Variants in PMS1 observed in about 807,000 individuals in gnomAD.
The protein encoded by PMS1 is PMS1 homolog 1, mismatch repair system component.
A neutral mutation model predicts 93.1 loss-of-function variants in PMS1; 79 were observed. The observed-to-expected ratio is 0.85, with a 90% CI of 0.71 to 1.02. PMS1 has a LOEUF of 1.02. Ranked by LOEUF, PMS1 falls within the 50% of genes least tolerant of loss-of-function variation. The pLI is 0.00. For missense variants in PMS1, 1,064 were observed against 1,085.3 expected (o/e 0.98, Z 0.28); for synonymous variants, 335 against 363.4 (o/e 0.92, Z 0.89).
At position 189,877,613 on chromosome 2, in the gene PMS1, C is replaced by G. The variant is rs1485391064; in HGVS notation, c.*177C>G. 1.8e-6 allele frequency: 1 copy of G among 570,566 alleles called. No individual in the cohort carries two copies. Among genetic ancestry groups the G allele is most frequent in the Non-Finnish European group, 3.1e-6 (1 of 320,062 alleles). 35.3% of individuals were successfully genotyped at this position (570,566 alleles called of 1,614,324 possible). ...ACGTATTGTAGAAAACGTAAATAAA[C>G]TAATATAGACTATTCATTTGATTCT... On this transcript the variant is annotated 3_prime_UTR_variant, in exon 13 of 13. Coordinates refer to ENST00000441310, the MANE Select transcript of PMS1 (RefSeq NM_000534.5).
intron 9 of PMS1, among the ~76,000 whole-genome samples, chr2:189,862,813 C>T (rs1042399252): frequency 6.6e-6 from 1 of 152,220 alleles, no homozygotes; most frequent in Admixed American, 6.5e-5. Flanking sequence ...TTCACCCGGC[C>T]ATGAAACTGT....
rs5742966 is a variant in PMS1 at position 189,788,724 on chromosome 2, A to G, written c.-20-3066A>G. Among the ~76,000 whole-genome samples, 840 of 152,294 alleles carry G rather than the reference A, an allele frequency of 5.5e-3. 3 individuals are homozygous for G. Among genetic ancestry groups the G allele is most frequent in the African/African-American group, 0.018 (755 of 41,560 alleles). ...ATAAAATCATTTCATCCTATAATCA[A>G]TGTAAAAAATTGATATGATTTTTAT... On this transcript the variant is annotated intron_variant, in intron 1 of 12. Coordinates refer to ENST00000441310, the MANE Select transcript of PMS1 (RefSeq NM_000534.5).
intron 5 of PMS1, among the ~76,000 whole-genome samples, chr2:189,837,925 A>G (rs78056333): frequency 1.9e-3 from 287 of 152,336 alleles, no homozygotes; most frequent in African/African-American, 6.6e-3. Flanking sequence ...ATCAAAGACC[A>G]TATATTGTAT....
At position 189,843,815 on chromosome 2, in the gene PMS1, G is replaced by A. The variant is rs1315172120; in HGVS notation, c.583-149G>A. On this transcript the variant is annotated intron_variant, in intron 5 of 12. Transcript: ENST00000441310. ...AAAATTCAGAACCAGAGTTTCTTCT[G>A]TCAGACCTCATAGCTCATGAATCTC... is the stretch of plus-strand genomic sequence containing the variant. The A allele has an allele frequency of 7.2e-6, 5 of 696,686 alleles. No individual in the cohort carries two copies. In the Admixed American group the frequency reaches 1.1e-4, roughly 15 times the overall value. 43.2% of individuals were successfully genotyped at this position (696,686 alleles called of 1,614,324 possible). A position where few individuals can be genotyped will look rare whatever the true frequency, so the allele number is the denominator to read the frequency against.
intron 4 of PMS1, among the ~76,000 whole-genome samples, chr2:189,810,909 T>C (rs1418353161): frequency 3.3e-5 from 5 of 150,400 alleles, no homozygotes; most frequent in Non-Finnish European, 5.9e-5. Context: ...GAGAGGAAAA[T>C]GGGATCCGTA....
intron 4 of PMS1, among the ~76,000 whole-genome samples, chr2:189,816,284 C>CT (rs1430823183): frequency 6.6e-6 from 1 of 152,168 alleles, no homozygotes; most frequent in East Asian, 1.9e-4. Context: ...ACTTCTGGAT[C>CT]TTTGCAAGTC....
intron 4 of PMS1, chr2:189,807,012 T>C (rs1332277306): frequency 5.2e-6 from 1 of 190,594 alleles, no homozygotes; most frequent in Non-Finnish European, 1.1e-5. Context: ...GTGGTTTTTT[T>C]CCTTCAGTTT....
intron 2 of PMS1, among the ~76,000 whole-genome samples, 166 bp from the exon 3 acceptor site, chr2:189,795,603 C>T (rs900964084): frequency 2.0e-5 from 3 of 152,152 alleles, no homozygotes; most frequent in Admixed American, 1.3e-4. Flanking sequence ...CCTGTTGCAC[C>T]ATAACTAGAA....
chr2:189,815,981 G>A (rs1035615944), intron 4 of PMS1, among the ~76,000 whole-genome samples: 1 of 152,116 alleles, frequency 6.6e-6, no homozygotes, highest in Non-Finnish European at 1.5e-5. Context: ...ATAGCTCACT[G>A]CAGCCTTGAA....
intron 4 of PMS1, among the ~76,000 whole-genome samples, chr2:189,812,081 A>G (rs1251485698): frequency 1.3e-5 from 2 of 152,156 alleles, no homozygotes; most frequent in Non-Finnish European, 2.9e-5. Flanking sequence ...CAGGTGGATC[A>G]TCTGAGGTCA....
chr2:189,849,758 C>T (rs146260292), intron 6 of PMS1, among the ~76,000 whole-genome samples: 250 of 152,078 alleles, frequency 1.6e-3, no homozygotes, highest in African/African-American at 6.0e-3. Context: ...TTTTACAGGC[C>T]CCTTTTCTTA....
intron 4 of PMS1, among the ~76,000 whole-genome samples, chr2:189,810,961 A>C (rs1000527496): frequency 6.6e-6 from 1 of 150,710 alleles, no homozygotes; most frequent in African/African-American, 2.5e-5. Context: ...TCAATAACCC[A>C]GATGTTTGAA....
At chr2:189,821,183 G>A (rs1006000564) in intron 5 of PMS1, among the ~76,000 whole-genome samples, 6 of 152,146 alleles carry the variant, frequency 3.9e-5, no homozygotes, top group South Asian at 2.1e-4. Context: ...TGGGCTGGGC[G>A]CAGTGGCTCA....
chr2:189,866,920 G>A (rs559461577), intron 10 of PMS1, among the ~76,000 whole-genome samples: 6 of 152,234 alleles, frequency 3.9e-5, no homozygotes, highest in African/African-American at 1.2e-4. Flanking sequence ...CTCTCAGATC[G>A]ATTTTTAGGA....
At chr2:189,857,604 T>G (rs1220708311) in intron 9 of PMS1, 1 of 400,262 alleles carries the variant, frequency 2.5e-6, no homozygotes, top group Non-Finnish European at 5.1e-6. Context: ...TTTTCCTTTC[T>G]TCTTCTCTCG....
chr2:189,827,816 C>T (rs1232478811), intron 5 of PMS1, among the ~76,000 whole-genome samples: 2 of 151,150 alleles, frequency 1.3e-5, no homozygotes, highest in Non-Finnish European at 2.9e-5. Flanking sequence ...AAATAGAGAG[C>T]AGAATAGTTG....
At chr2:189,792,484 A>G (rs533470900) in intron 2 of PMS1, among the ~76,000 whole-genome samples, 20 of 152,088 alleles carry the variant, frequency 1.3e-4, no homozygotes, top group African/African-American at 3.9e-4. Flanking sequence ...AGTACCTAGT[A>G]TGCACTAGGA....
intron 3 of PMS1, among the ~76,000 whole-genome samples, chr2:189,802,781 C>A (rs892346744): frequency 6.6e-6 from 1 of 152,154 alleles, no homozygotes; most frequent in African/African-American, 2.4e-5. Flanking sequence ...GACTCCTTTT[C>A]CACAGTGTAG....
intron 5 of PMS1, among the ~76,000 whole-genome samples, chr2:189,825,937 C>A (rs2052390548): frequency 6.6e-6 from 1 of 152,110 alleles, no homozygotes; most frequent in Non-Finnish European, 1.5e-5. Context: ...TTCAGTTAAT[C>A]TGGGAAGATG....
Sources: allele counts gnomAD v4.1 joint callset (sites outside exome capture counted in the v4.1 genomes callset), GRCh38; gene constraint gnomAD v4.1.1; transcripts MANE v1.5; gene names NCBI Gene and HGNC (gene_info 2026-07-23, HGNC 2026-07-21).